CSMD1: variants seen among roughly 807,000 people sequenced by gnomAD.
The protein encoded by CSMD1 is CUB and Sushi multiple domains 1.
Under a neutral mutation model 417.5 loss-of-function variants are expected in CSMD1, and 213 were observed. The ratio of observed to expected loss-of-function variants is 0.51; its 90% CI spans 0.46 to 0.57. The LOEUF (loss-of-function observed/expected upper bound fraction) is 0.57. Among genes scored for constraint, CSMD1 ranks in the 20% least tolerant of loss-of-function variants. The pLI is 0.00. For missense variants in CSMD1, 6,923 were observed against 4,529.7 expected (o/e 1.53, Z -15.17); for synonymous variants, 2,862 against 1,736.8 (o/e 1.65, Z -16.11).
At chr8:4,392,104 C>G (rs1803887809) in intron 3 of CSMD1, among the ~76,000 whole-genome samples, 2 of 152,168 alleles carry the variant, frequency 1.3e-5, no homozygotes, top group Admixed American at 1.3e-4. Flanking sequence ...AAGGAAAGAC[C>G]AGCAGAATCT....
intron 7 of CSMD1, among the ~76,000 whole-genome samples, chr8:3,640,803 G>A (rs1014367439): frequency 3.2e-4 from 48 of 152,170 alleles, no homozygotes; most frequent in African/African-American, 1.1e-3. Flanking sequence ...GCCTCACAGA[G>A]GGATGGAAAG....
In CSMD1 at chr8:4,139,418, G is replaced by A. The variant is rs953538349; in HGVS notation, c.416-107319C>T. ...AGTGAACATTGCTGTGCTAAGCACT[G>A]GAGGTAAAGAACGAAGGAAGACTCT... On this transcript the variant is annotated intron_variant, in intron 3 of 69. Coordinates refer to ENST00000635120, the MANE Select transcript of CSMD1 (RefSeq NM_033225.6). 6.9e-5 allele frequency among the ~76,000 whole-genome samples: 10 copies of A among 144,944 alleles called. 1 individual carries two copies. The East Asian group carries it at 9.7e-4, about 14-fold the overall frequency.
chr8:3,921,507 A>G (rs971631796), intron 5 of CSMD1, among the ~76,000 whole-genome samples: 3 of 151,626 alleles, frequency 2.0e-5, no homozygotes, highest in African/African-American at 7.3e-5. Context: ...AATACTTTTT[A>G]TTTTTTTCAT....
At chr8:3,367,285 G>C (rs1050456342) in intron 19 of CSMD1, 38 bp from the exon 20 acceptor site, 3 of 1,480,762 alleles carry the variant, frequency 2.0e-6, no homozygotes. Context: ...GAGAGACAGA[G>C]AGAGACACAC....
intron 2 of CSMD1, among the ~76,000 whole-genome samples, chr8:4,614,885 T>C (rs1801388926): frequency 6.6e-6 from 1 of 152,190 alleles, no homozygotes; most frequent in African/African-American, 2.4e-5. Context: ...TATTAATATT[T>C]TCTCTAGAGT....
intron 3 of CSMD1, among the ~76,000 whole-genome samples, chr8:4,214,997 G>T (rs1800551428): frequency 6.6e-6 from 1 of 152,174 alleles, no homozygotes; most frequent in Non-Finnish European, 1.5e-5. Context: ...CAGGATTACT[G>T]AGAAAGTCAA....
intron 25 of CSMD1, among the ~76,000 whole-genome samples, chr8:3,307,042 ATGACACACAT>A (rs1377149875): frequency 1.3e-5 from 2 of 152,094 alleles, no homozygotes; most frequent in Non-Finnish European, 2.9e-5. Context: ...TAATTGCAAA[ATGACACACAT>A]TGCTCCCATC....
At chr8:3,949,541 G>C (rs548297627) in intron 5 of CSMD1, among the ~76,000 whole-genome samples, 2 of 152,288 alleles carry the variant, frequency 1.3e-5, no homozygotes, top group African/African-American at 4.8e-5. Flanking sequence ...AACATTAAGT[G>C]TGTCTAATTT....
Position 4,028,144 on chromosome 8 carries a change from G to C in CSMD1, c.610+3761C>G, listed in dbSNP as rs111369514. ...AACTTCAGGAACATGAAGAGAAAAT[G>C]AGCATTTTAGAAAAAATAATGGGCA... On this transcript the variant is annotated intron_variant, in intron 4 of 69. Coordinates refer to ENST00000635120, the MANE Select transcript of CSMD1 (RefSeq NM_033225.6). 3.5e-3 allele frequency among the ~76,000 whole-genome samples: 533 copies of C among 152,226 alleles called. 2 individuals are homozygous for C. The highest frequency in any genetic ancestry group is 0.01 in the Middle Eastern group (3 of 294).
At position 4,617,775 on chromosome 8, in the gene CSMD1, T is replaced by C. The variant is rs187944058; in HGVS notation, c.302+19567A>G. On this transcript the variant is annotated intron_variant, in intron 2 of 69. Transcript: ENST00000635120. ...TTTGGCATTCCTCATTATTAGAAAG[T>C]GAGTTATTTGCTTGCTCATATGTTA... is the stretch of plus-strand genomic sequence containing the variant. Among the ~76,000 whole-genome samples, 614 of 152,212 alleles carry C rather than the reference T, an allele frequency of 4.0e-3. 4 individuals carry two copies. Among genetic ancestry groups the C allele is most frequent in the Admixed American group, 6.2e-3 (95 of 15,276 alleles).
chr8:4,243,209 G>A (rs376741310), intron 3 of CSMD1, among the ~76,000 whole-genome samples: 3 of 152,138 alleles, frequency 2.0e-5, no homozygotes, highest in Admixed American at 6.5e-5. Context: ...ATGGCAGAGC[G>A]ATTGGCTATT....
At chr8:3,446,913 G>C (rs1453661140) in intron 12 of CSMD1, among the ~76,000 whole-genome samples, 1 of 152,176 alleles carries the variant, frequency 6.6e-6, no homozygotes, top group Non-Finnish European at 1.5e-5. Flanking sequence ...CACTAATTGA[G>C]TTGGGGGAAG....
intron 52 of CSMD1, among the ~76,000 whole-genome samples, chr8:3,006,417 A>C (rs1412957363): frequency 6.6e-6 from 1 of 151,178 alleles, no homozygotes; most frequent in Non-Finnish European, 1.5e-5. Flanking sequence ...AATTGGAAAA[A>C]ACTACTTTAA....
rs554920276 is a variant in CSMD1, at chr8:3,604,249, T to A, written c.1097+12461A>T. ...ATTGGAAGCATAGACGTGCATAGAA[T>A]TTCTGGCTGGTCAGTGCTAGAAAGT... On this transcript the variant is annotated intron_variant, in intron 8 of 69. Transcript: ENST00000635120. 7.2e-5 allele frequency among the ~76,000 whole-genome samples: 11 copies of A among 152,236 alleles called. No homozygotes were observed. In the South Asian group the frequency reaches 2.3e-3, roughly 32 times the overall value.
intron 50 of CSMD1, among the ~76,000 whole-genome samples, chr8:3,046,281 G>A (rs1220923963): frequency 6.6e-6 from 1 of 152,146 alleles, no homozygotes; most frequent in African/African-American, 2.4e-5. Context: ...GTGGACGCAT[G>A]TGTTTCAGAG....
intron 12 of CSMD1, among the ~76,000 whole-genome samples, chr8:3,415,070 T>C (rs1813046312): frequency 6.6e-6 from 1 of 152,210 alleles, no homozygotes; most frequent in Non-Finnish European, 1.5e-5. Context: ...TTATTGTTCT[T>C]ATTAAACTTG....
chr8:3,553,263 G>A (rs914003350), intron 10 of CSMD1, among the ~76,000 whole-genome samples: 5 of 152,170 alleles, frequency 3.3e-5, no homozygotes, highest in African/African-American at 1.2e-4. Context: ...ATAGTTCGGA[G>A]CTGCAGGCAC....
chr8:3,158,237 T>C (rs1214154153), intron 38 of CSMD1, among the ~76,000 whole-genome samples: 1 of 152,174 alleles, frequency 6.6e-6, no homozygotes, highest in Non-Finnish European at 1.5e-5. Flanking sequence ...ACTCAGCTCC[T>C]TTCTTGATAC....
intron 1 of CSMD1, among the ~76,000 whole-genome samples, chr8:4,843,247 C>T (rs749454781): frequency 9.2e-5 from 14 of 152,100 alleles, no homozygotes; most frequent in African/African-American, 2.9e-4. Flanking sequence ...TAGGGGAATA[C>T]GATGTCTCCC....
Sources: gnomAD v4.1 joint callset for allele counts (sites outside exome capture counted in the v4.1 genomes callset) on GRCh38, gnomAD v4.1.1 for gene constraint, MANE v1.5 for transcripts, NCBI Gene and HGNC (gene_info 2026-07-23, HGNC 2026-07-21) for gene names.